Variants in PTPRD observed in about 807,000 individuals in gnomAD.
PTPRD encodes receptor-type tyrosine-protein phosphatase delta.
A neutral mutation model predicts 214.5 loss-of-function variants in PTPRD; 34 were observed. The ratio of observed to expected loss-of-function variants is 0.16; its 90% CI spans 0.12 to 0.21. The LOEUF is 0.21. Ranked by LOEUF, PTPRD falls within the 10% of genes least tolerant of loss-of-function variation. The pLI is 1.00. For missense variants in PTPRD, 2,545 were observed against 2,398.7 expected (o/e 1.06, Z -1.27); for synonymous variants, 1,128 against 845.7 (o/e 1.33, Z -5.79).
At chr9:9,589,793 T>C (rs2092522328) in intron 7 of PTPRD, among the ~76,000 whole-genome samples, 1 of 152,020 alleles carries the variant, frequency 6.6e-6, no homozygotes, top group African/African-American at 2.4e-5. Context: ...AACAACAACA[T>C]GTGGTAAACA....
In PTPRD at chr9:10,550,533, G is replaced by T. The variant is rs367920663; in HGVS notation, c.-600+61865C>A. ...TCAATCTTTTTGGAGACCCTCTGAG[G>T]AGTCCTGTAGAACCTACCTCAGAAT... On this transcript the variant is annotated intron_variant, in intron 2 of 45. Coordinates refer to ENST00000381196, the MANE Select transcript of PTPRD (RefSeq NM_002839.4). Among the ~76,000 whole-genome samples, 10 of 152,230 alleles carry T rather than the reference G, an allele frequency of 6.6e-5. No homozygotes were observed. In the South Asian group the frequency reaches 2.1e-3, roughly 32 times the overall value.
At chr9:10,115,234 A>G (rs1465453069) in intron 3 of PTPRD, among the ~76,000 whole-genome samples, 3 of 152,166 alleles carry the variant, frequency 2.0e-5, no homozygotes, top group African/African-American at 7.2e-5. Context: ...GAAAATTACA[A>G]TCAAGTGAAT....
intron 7 of PTPRD, among the ~76,000 whole-genome samples, chr9:9,660,952 G>A (rs958449919): frequency 6.6e-6 from 1 of 151,970 alleles, no homozygotes; most frequent in African/African-American, 2.4e-5. Context: ...ATAACCAGAA[G>A]TTGTGAAGAT....
intron 2 of PTPRD, among the ~76,000 whole-genome samples, chr9:10,397,048 C>G (rs963310485): frequency 6.6e-6 from 1 of 151,982 alleles, no homozygotes; most frequent in African/African-American, 2.4e-5. Context: ...GAAATATATA[C>G]CACTTGCTCC....
chr9:9,002,507 A>T (rs958839908), intron 11 of PTPRD, among the ~76,000 whole-genome samples: 1 of 152,056 alleles, frequency 6.6e-6, no homozygotes, highest in African/African-American at 2.4e-5. Flanking sequence ...TGTTTCTTTT[A>T]TAATTAATTA....
Position 9,420,149 on chromosome 9 carries a change from A to C in PTPRD, c.-236-22667T>G, listed in dbSNP as rs535250031. ...TTTCTCCTTGTTAAAGTTTACCCAA[A>C]ATTATCAACAGATTAATCACTATAA... On this transcript the variant is annotated intron_variant, in intron 8 of 45. Coordinates refer to ENST00000381196, the MANE Select transcript of PTPRD (RefSeq NM_002839.4). Among the ~76,000 whole-genome samples the C allele has an allele frequency of 3.3e-5, 5 of 151,824 alleles. No homozygotes were observed. The East Asian group carries it at 9.6e-4, about 29-fold the overall frequency.
At chr9:9,107,214 AC>A (rs1280842789) in intron 10 of PTPRD, among the ~76,000 whole-genome samples, 4 of 152,160 alleles carry the variant, frequency 2.6e-5, no homozygotes, top group Admixed American at 2.0e-4. Context: ...CAAAAGCCAG[AC>A]TTTGAAATAA....
chr9:9,120,283 T>C (rs1165830206), intron 10 of PTPRD, among the ~76,000 whole-genome samples: 1 of 152,140 alleles, frequency 6.6e-6, no homozygotes, highest in Non-Finnish European at 1.5e-5. Context: ...TGCAGAACAG[T>C]GTATGGGGGA....
chr9:8,481,696 C>T (rs916552958), intron 30 of PTPRD, among the ~76,000 whole-genome samples: 1 of 152,070 alleles, frequency 6.6e-6, no homozygotes, highest in African/African-American at 2.4e-5. Context: ...TCACATTTTC[C>T]CCTCATTGCT....
chr9:10,193,468 T>C (rs896064228), intron 3 of PTPRD, among the ~76,000 whole-genome samples: 1 of 151,988 alleles, frequency 6.6e-6, no homozygotes, highest in African/African-American at 2.4e-5. Context: ...AGTACTAGCA[T>C]GGGAACAGAG....
chr9:9,238,070 A>T (rs1455486937), intron 9 of PTPRD, among the ~76,000 whole-genome samples: 1 of 152,112 alleles, frequency 6.6e-6, no homozygotes, highest in African/African-American at 2.4e-5. Context: ...AGGAAGCATC[A>T]GCGTTCTGGC....
chr9:8,501,120 A>C, intron 23 of PTPRD, 61 bp from the exon 24 acceptor site: 3 of 1,308,504 alleles, frequency 2.3e-6, no homozygotes, highest in Non-Finnish European at 3.1e-6. Context: ...GTTGAAAAAA[A>C]AAATGATAAA....
intron 8 of PTPRD, among the ~76,000 whole-genome samples, chr9:9,428,807 G>A (rs139552337): frequency 1.3e-5 from 2 of 152,024 alleles, no homozygotes; most frequent in Admixed American, 1.3e-4. Context: ...ATGACTACTG[G>A]GTACATAAAG....
intron 35 of PTPRD, among the ~76,000 whole-genome samples, chr9:8,425,351 A>T (rs1175088943): frequency 6.6e-6 from 1 of 152,150 alleles, no homozygotes; most frequent in Non-Finnish European, 1.5e-5. Context: ...TTTTCTGAAC[A>T]TTTTTGAAAT....
At chr9:9,794,564 G>A (rs1052899581) in intron 5 of PTPRD, among the ~76,000 whole-genome samples, 2 of 151,990 alleles carry the variant, frequency 1.3e-5, no homozygotes, top group Non-Finnish European at 2.9e-5. Context: ...AATCAAACAA[G>A]GAGAATTTAG....
intron 7 of PTPRD, among the ~76,000 whole-genome samples, chr9:9,724,256 A>C (rs1028786541): frequency 2.0e-5 from 3 of 152,140 alleles, no homozygotes; most frequent in African/African-American, 7.2e-5. Context: ...TTGCATCCAA[A>C]GTTTGAGATA....
intron 14 of PTPRD, among the ~76,000 whole-genome samples, chr9:8,576,495 G>A (rs1008646957): frequency 6.6e-6 from 1 of 151,958 alleles, no homozygotes. Context: ...TAAAACCAAA[G>A]TAAACAAAAT....
At chr9:9,650,297 T>C (rs531036778) in intron 7 of PTPRD, among the ~76,000 whole-genome samples, 1 of 152,318 alleles carries the variant, frequency 6.6e-6, no homozygotes, top group African/African-American at 2.4e-5. Flanking sequence ...TAAACTTATT[T>C]TCTTTATAAA....
At chr9:9,940,662 C>T (rs1202206866) in intron 4 of PTPRD, among the ~76,000 whole-genome samples, 2 of 152,172 alleles carry the variant, frequency 1.3e-5, no homozygotes, top group Non-Finnish European at 2.9e-5. Flanking sequence ...AACAGCTCTC[C>T]TGTTGAAATA....
Sources: gnomAD v4.1 joint callset for allele counts (sites outside exome capture counted in the v4.1 genomes callset) on GRCh38, gnomAD v4.1.1 for gene constraint, MANE v1.5 for transcripts, NCBI Gene and HGNC (gene_info 2026-07-23, HGNC 2026-07-21) for gene names.